The following CLSTN1 variants were observed in gnomAD, a reference collection of about 807,000 sequenced individuals.
CLSTN1 encodes the protein calsyntenin-1.
CLSTN1 carries 28 observed loss-of-function variants against 108.3 expected under a neutral mutation model. The observed-to-expected ratio is 0.26, with a 90% CI of 0.19 to 0.35. The LOEUF (loss-of-function observed/expected upper bound fraction) is 0.35. CLSTN1 is among the 10% of genes least tolerant of loss of function. CLSTN1 has a pLI of 1.00. For missense variants in CLSTN1, 1,157 were observed against 1,302.6 expected (o/e 0.89, Z 1.72); for synonymous variants, 524 against 534.9 (o/e 0.98, Z 0.28).
chr1:9,784,547 G>A (rs897140683), intron 1 of CLSTN1, among the ~76,000 whole-genome samples: 1 of 152,140 alleles, frequency 6.6e-6, no homozygotes, highest in Non-Finnish European at 1.5e-5. Context: ...AGTGTGATGT[G>A]TGCCTCTTAT....
chr1:9,814,620 G>C (rs182068478), intron 1 of CLSTN1, among the ~76,000 whole-genome samples: 1 of 152,274 alleles, frequency 6.6e-6, no homozygotes, highest in African/African-American at 2.4e-5. Flanking sequence ...AATGAATGAA[G>C]AAATGTCAGC....
In CLSTN1 at chr1:9,734,859, CCA is replaced by C. The variant is rs1485236379; in HGVS notation, c.2110+87_2110+88del. The C allele has an allele frequency of 3.5e-6, 4 of 1,127,184 alleles. No individual in the cohort carries two copies. The highest frequency in any genetic ancestry group is 3.1e-5 in the African/African-American group (2 of 64,488). 69.8% of individuals were successfully genotyped at this position (1,127,184 alleles called of 1,614,324 possible). ...CGAAAGATTAAAACCTCCCCAAATC[CCA>C]CAGAGACAAAGAGCCCCGCCAAGTA... On this transcript the variant is annotated intron_variant, in intron 14 of 18. Transcript: ENST00000377298. The surrounding 1 kb of genome is among the most constrained non-coding windows in gnomAD (Gnocchi z 4.8).
At chr1:9,740,821 G>C (rs1308237040) in intron 10 of CLSTN1, among the ~76,000 whole-genome samples, 3 of 152,050 alleles carry the variant, frequency 2.0e-5, no homozygotes, top group Non-Finnish European at 4.4e-5. Flanking sequence ...CCCACTACAC[G>C]CTCCCTCTGT....
chr1:9,750,503 T>C (rs1020910465), intron 5 of CLSTN1, among the ~76,000 whole-genome samples: 1 of 152,012 alleles, frequency 6.6e-6, no homozygotes, highest in Non-Finnish European at 1.5e-5. Context: ...TGGCCTGATC[T>C]CGGCTCACTG....
chr1:9,729,098 G>A lies in CLSTN1; in HGVS notation c.*1410C>T, dbSNP rs1650164320. 1 of 152,162 alleles carries A rather than the reference G, an allele frequency of 6.6e-6. No homozygotes were observed. The highest frequency in any genetic ancestry group is 2.4e-5 in the African/African-American group (1 of 41,414). The allele number at this position is 152,162 out of a possible 1,614,324, so 9.4% of individuals were successfully genotyped here. ...TCATGAGTATACACATCTGCGAAGG[G>A]AAACCGCGCGGCGACAGCGTGAGGA... On this transcript the variant is annotated 3_prime_UTR_variant, in exon 19 of 19. Coordinates refer to ENST00000377298, the MANE Select transcript of CLSTN1 (RefSeq NM_001009566.3).
chr1:9,775,547 C>A (rs1652898200), intron 1 of CLSTN1, among the ~76,000 whole-genome samples: 1 of 151,900 alleles, frequency 6.6e-6, no homozygotes, highest in Non-Finnish European at 1.5e-5. Flanking sequence ...GCCATGAATC[C>A]CTCCCTGAGC....
At chr1:9,787,124 G>C (rs974617367) in intron 1 of CLSTN1, among the ~76,000 whole-genome samples, 1 of 151,066 alleles carries the variant, frequency 6.6e-6, no homozygotes, top group South Asian at 2.2e-4. Flanking sequence ...ACGGAGATGG[G>C]GCTGTCCCCA....
chr1:9,771,633 G>A (rs1652686589), intron 2 of CLSTN1, among the ~76,000 whole-genome samples: 1 of 151,900 alleles, frequency 6.6e-6, no homozygotes, highest in Non-Finnish European at 1.5e-5. Flanking sequence ...AAAATGTGGG[G>A]GAAAAAGCAA....
At chr1:9,813,382 C>T (rs920611568) in intron 1 of CLSTN1, among the ~76,000 whole-genome samples, 1 of 151,664 alleles carries the variant, frequency 6.6e-6, no homozygotes, top group African/African-American at 2.4e-5. Context: ...GTCTGTAATC[C>T]CAGCTACTCG....
rs11121485 is a variant in CLSTN1, at chr1:9,734,924, C to T, written c.2110+24G>A. ...GGGGTTTCCGGCCGAGGCGAGGGAG[C>T]CCGCGCCCCACAGAGCACATTACCT... On this transcript the variant is annotated intron_variant, in intron 14 of 18. Transcript: ENST00000377298. The surrounding 1 kb of genome is among the most constrained non-coding windows in gnomAD (Gnocchi z 4.8). The T allele has an allele frequency of 0.087, 139,457 of 1,597,474 alleles. 12,466 individuals are homozygous for T. The highest frequency in any genetic ancestry group is 0.35 in the African/African-American group (26,463 of 74,548).
At chr1:9,779,295 G>A (rs528973245) in intron 1 of CLSTN1, among the ~76,000 whole-genome samples, 8 of 152,232 alleles carry the variant, frequency 5.3e-5, no homozygotes, top group South Asian at 2.1e-4. Flanking sequence ...TTTTTAGGAC[G>A]GGTGCAGTGG....
intron 2 of CLSTN1, among the ~76,000 whole-genome samples, chr1:9,762,982 G>A (rs1227409058): frequency 6.6e-6 from 1 of 151,492 alleles, no homozygotes; most frequent in Admixed American, 6.6e-5. Context: ...TTTTTTTGGA[G>A]ACAGAGTCTC....
At chr1:9,808,585 G>A (rs1237517975) in intron 1 of CLSTN1, among the ~76,000 whole-genome samples, 1 of 152,160 alleles carries the variant, frequency 6.6e-6, no homozygotes, top group Non-Finnish European at 1.5e-5. Flanking sequence ...GAGGCAGTTT[G>A]CCAGTAATTA....
At chr1:9,776,900 A>G (rs1187639715) in intron 1 of CLSTN1, among the ~76,000 whole-genome samples, 1 of 150,510 alleles carries the variant, frequency 6.6e-6, no homozygotes, top group Non-Finnish European at 1.5e-5. Context: ...CTATCTATCT[A>G]TCTATCAGCA....
rs1374208232 is a variant in CLSTN1 at position 9,737,543 on chromosome 1, C to G, written c.1531G>C (p.Val511Leu). Residue 511 changes from valine (V) to leucine (L), a missense_variant, in exon 11 of 19, where the codon GTT becomes CTT. Transcript: ENST00000377298. Reference sequence around the variant, plus strand: ...GGCTCAGTTTCATTGTCATTTTCAACTCCTGAAAACTCTGTGGAAAAGCAA... The same window carrying G: ...GGCTCAGTTTCATTGTCATTTTCAAGTCCTGAAAACTCTGTGGAAAAGCAA... Reference protein sequence around the residue: ...VGACWQEFSGVENDNETEPVT... With the variant: ...VGACWQEFSGLENDNETEPVT... 1 of 1,614,048 alleles carries G rather than the reference C, an allele frequency of 6.2e-7. No homozygotes were observed. The highest frequency in any genetic ancestry group is 8.5e-7 in the Non-Finnish European group (1 of 1,179,940).
In CLSTN1 at chr1:9,729,341, T is replaced by A. The variant is rs1650196012; in HGVS notation, c.*1167A>T. Reference sequence around the variant, plus strand: ...CTATGTGGGTTTTAGACCATGACTGTTTGTTTGCTCTCCTGCCCTACCACC... The same window carrying A: ...CTATGTGGGTTTTAGACCATGACTGATTGTTTGCTCTCCTGCCCTACCACC... On this transcript the variant is annotated 3_prime_UTR_variant, in exon 19 of 19. Coordinates refer to ENST00000377298, the MANE Select transcript of CLSTN1 (RefSeq NM_001009566.3). 1.3e-5 allele frequency: 2 copies of A among 152,244 alleles called. No individual in the cohort carries two copies. Among genetic ancestry groups the A allele is most frequent in the Non-Finnish European group, 2.9e-5 (2 of 67,810 alleles). The allele number at this position is 152,244 out of a possible 1,614,324, so 9.4% of individuals were successfully genotyped here. A position where few individuals can be genotyped will look rare whatever the true frequency, so the allele number is the denominator to read the frequency against.
chr1:9,818,332 G>A (rs997119854), intron 1 of CLSTN1, among the ~76,000 whole-genome samples: 2 of 149,462 alleles, frequency 1.3e-5, no homozygotes, highest in African/African-American at 4.9e-5. Flanking sequence ...TTTTGTTTTT[G>A]TTTTTGTTTT....
chr1:9,821,046 C>A (rs368045123), intron 1 of CLSTN1, among the ~76,000 whole-genome samples: 2 of 152,192 alleles, frequency 1.3e-5, no homozygotes, highest in East Asian at 1.9e-4. Flanking sequence ...CTTCACTGTT[C>A]TATTTCCCGA....
intron 1 of CLSTN1, among the ~76,000 whole-genome samples, chr1:9,803,496 C>CG (rs1654374180): frequency 6.6e-6 from 1 of 152,144 alleles, no homozygotes; most frequent in South Asian, 2.1e-4. Flanking sequence ...GGTCTTTTAT[C>CG]GTGGTAGTTA....
Sources: gnomAD v4.1 joint callset for allele counts (sites outside exome capture counted in the v4.1 genomes callset) on GRCh38, gnomAD v4.1.1 for gene constraint, Gnocchi (gnomAD v3.1) non-coding constraint, MANE v1.5 for transcripts, NCBI Gene and HGNC (gene_info 2026-07-23, HGNC 2026-07-21) for gene names.